The following NMB variants were observed in gnomAD, a reference collection of about 807,000 sequenced individuals.
NMB encodes the protein neuromedin B.
A neutral mutation model predicts 11.7 loss-of-function variants in NMB; 12 were observed. That is an observed-to-expected ratio of 1.03 (90% CI 0.66 to 1.66). The LOEUF is 1.66. Ranked by LOEUF, NMB falls within the 40% of genes most tolerant of loss-of-function variation. The probability of loss-of-function intolerance (pLI) is 0.00; values close to 1 mark genes in which losing one functional copy is unlikely to be tolerated. For missense variants in NMB, 174 were observed against 157.9 expected, an observed-to-expected ratio of 1.10 and a Z score of -0.55; for synonymous variants, 76 against 72.6, an observed-to-expected ratio of 1.05 and a Z score of -0.24.
At position 84,658,071 on chromosome 15, in the gene NMB, T is replaced by C; in HGVS notation, c.82A>G (p.Ser28Gly). ...ALLAAGVAPL[S>G]WDLPEPRSRA... is the part of the protein sequence containing the mutation. ...CTGCGGGGCTCCGGGAGATCCCAGCTGAGCGGGGCGACGCCGGCAGCGAGC... is the reference window on the plus strand; with the variant it reads ...CTGCGGGGCTCCGGGAGATCCCAGCCGAGCGGGGCGACGCCGGCAGCGAGC... The change falls in exon 1 of 3, where the codon AGC (serine) becomes GGC (glycine). Residue 28 changes from serine to glycine, a missense_variant. This residue lies in a region of NMB where 168 missense variants were observed against 138.4 expected (regional missense o/e 1.21). Transcript: ENST00000360476. 2 of 1,585,450 alleles carry C rather than the reference T, an allele frequency of 1.3e-6. No homozygotes were observed. The highest frequency in any genetic ancestry group is 1.7e-6 in the Non-Finnish European group (2 of 1,169,678).
rs1424914185 is a variant in NMB, at chr15:84,657,475, T to C, written c.158-127A>G. On this transcript the variant is annotated intron_variant, in intron 1 of 2. Transcript: ENST00000360476. ...AGACACTTAACCTTCCTCCTCTTGGTGCTTCCACCTCACCAAGGAGCCACA... is the reference window on the plus strand; with the variant it reads ...AGACACTTAACCTTCCTCCTCTTGGCGCTTCCACCTCACCAAGGAGCCACA... 4.5e-6 allele frequency: 4 copies of C among 884,738 alleles called. No individual in the cohort carries two copies. In the Admixed American group the frequency reaches 1.5e-4, roughly 33 times the overall value. The allele number at this position is 884,738 out of a possible 1,614,324, so 54.8% of individuals were successfully genotyped here.
Position 84,655,364 on chromosome 15 carries a change from A to T in NMB, c.*10T>A. ...TAAGCCACGCTGTTGTGTCTGCCCCATTATTGGTGTCATTTCTGCAGTATT... is the reference window on the plus strand; with the variant it reads ...TAAGCCACGCTGTTGTGTCTGCCCCTTTATTGGTGTCATTTCTGCAGTATT... On this transcript the variant is annotated 3_prime_UTR_variant, in exon 3 of 3. Transcript: ENST00000360476. 6.2e-6 allele frequency: 10 copies of T among 1,614,218 alleles called. No homozygotes were observed. Among genetic ancestry groups the T allele is most frequent in the Non-Finnish European group, 8.5e-6 (10 of 1,180,032 alleles).
Position 84,657,316 on chromosome 15 carries a change from A to G in NMB, c.190T>C (p.Ser64Pro). Residue 64 changes from serine to proline, a missense_variant, in exon 2 of 3, where the codon TCC (serine) becomes CCC (proline). By Grantham distance (74) the Ser-to-Pro change is moderately conservative (BLOSUM62 -1). Transcript: ENST00000360476. ...GCTGTCCCCAATGGGGATGGGCTGG[A>G]AGGCTCCAGACTCTTCTTGCCCATG... ...HFMGKKSLEP[S>P]SPSPLGTAPH... The G allele has an allele frequency of 6.4e-7, 1 of 1,573,678 alleles. No individual in the cohort carries two copies. The highest frequency in any genetic ancestry group is 1.9e-5 in the Admixed American group (1 of 53,348).
intron 2 of NMB, among the ~76,000 whole-genome samples, chr15:84,656,751 C>T (rs1290478661): frequency 2.0e-5 from 3 of 151,978 alleles, no homozygotes; most frequent in Non-Finnish European, 4.4e-5. Flanking sequence ...CTCTGGGCCT[C>T]AGGGTCCCAT....
In NMB at chr15:84,658,188, T is replaced by C. The variant is rs12904605; in HGVS notation, c.-36A>G. 345,103 of 1,419,810 alleles carry C rather than the reference T, an allele frequency of 0.24. 44,611 individuals are homozygous for C. The highest frequency in any genetic ancestry group is 0.36 in the Middle Eastern group (1,439 of 4,000). 88.0% of individuals were successfully genotyped at this position (1,419,810 alleles called of 1,614,324 possible). A position where few individuals can be genotyped will look rare whatever the true frequency, so the allele number is the denominator to read the frequency against. On this transcript the variant is annotated 5_prime_UTR_variant, in exon 1 of 3. Transcript: ENST00000360476. ...GGGCCGCGGCTTCGTTCGGGCGCGC[T>C]TCCCGGCCGCTGGGCTCCGGGGCTG...
chr15:84,656,683 C>T (rs1366188448), intron 2 of NMB, among the ~76,000 whole-genome samples: 1 of 151,882 alleles, frequency 6.6e-6, no homozygotes, highest in African/African-American at 2.4e-5. Context: ...ATGGGAAGAG[C>T]TCCAGTCCAG....
intron 2 of NMB, among the ~76,000 whole-genome samples, chr15:84,656,043 A>G (rs1896777069): frequency 1.3e-5 from 2 of 152,300 alleles, no homozygotes; most frequent in South Asian, 4.1e-4. Flanking sequence ...CAGACTGATA[A>G]GAGCTCGCAT....
chr15:84,655,392 T>C lies in NMB; in HGVS notation c.348A>G (p.Val116=). 1.9e-6 allele frequency: 3 copies of C among 1,614,146 alleles called. No homozygotes were observed. The highest frequency in any genetic ancestry group is 2.2e-5 in the East Asian group (1 of 44,888). ...ATTGGTGTCATTTCTGCAGTATTTGTACCAGCAGCCTCCTGTACTGAAGAG... is the reference window on the plus strand; with the variant it reads ...ATTGGTGTCATTTCTGCAGTATTTGCACCAGCAGCCTCCTGTACTGAAGAG... ...APQIQYRRLL[V]QILQK is the part of the protein sequence containing the mutation. The change falls in exon 3 of 3, where the codon GTA becomes GTG. Residue 116 remains valine (V), a synonymous_variant. Transcript: ENST00000360476.
intron 1 of NMB, among the ~76,000 whole-genome samples, chr15:84,657,735 T>C (rs1896803230): frequency 6.6e-6 from 1 of 152,098 alleles, no homozygotes; most frequent in Non-Finnish European, 1.5e-5. Context: ...TTCGGTTAAG[T>C]CTCGCCTAAG....
intron 2 of NMB, 144 bp downstream of exon 2, chr15:84,657,032 C>T (rs1896791049): frequency 1.4e-6 from 1 of 705,962 alleles, no homozygotes; most frequent in Admixed American, 4.1e-5. Flanking sequence ...AGCCTGGAAA[C>T]CTGGCTTTCT....
chr15:84,655,586 A>G (rs939957449), intron 2 of NMB, among the ~76,000 whole-genome samples, 177 bp from the exon 3 acceptor site: 3 of 152,198 alleles, frequency 2.0e-5, no homozygotes, highest in Non-Finnish European at 4.4e-5. Flanking sequence ...TAGTTTTCTC[A>G]GAACACAGCC....
At chr15:84,657,937 A>G in intron 1 of NMB, 59 bp downstream of exon 1, 1 of 1,526,530 alleles carries the variant, frequency 6.6e-7, no homozygotes, top group Non-Finnish European at 8.8e-7. Flanking sequence ...AGGGTTGAGA[A>G]GGAAATGGGG....
intron 1 of NMB, 57 bp from the exon 2 acceptor site, chr15:84,657,405 G>C (rs1381831213): frequency 7.2e-7 from 1 of 1,392,974 alleles, no homozygotes; most frequent in Non-Finnish European, 9.4e-7. Flanking sequence ...CTACCTCAGA[G>C]GAAAAGTTCC....
intron 2 of NMB, among the ~76,000 whole-genome samples, chr15:84,655,765 G>A (rs1329052753): frequency 6.6e-6 from 1 of 152,196 alleles, no homozygotes; most frequent in East Asian, 1.9e-4. Flanking sequence ...AGATTCTCTA[G>A]TTGGTCTGCA....
intron 2 of NMB, 85 bp from the exon 3 acceptor site, chr15:84,655,494 G>A (rs777415954): frequency 4.0e-5 from 62 of 1,555,320 alleles, no homozygotes; most frequent in Non-Finnish European, 5.2e-5. Flanking sequence ...AGTGCCAGAT[G>A]TCTGCAGAGG....
chr15:84,655,500 A>C, intron 2 of NMB, 91 bp from the exon 3 acceptor site: 1 of 1,539,598 alleles, frequency 6.5e-7, no homozygotes, highest in Middle Eastern at 2.3e-4. Flanking sequence ...AGATGTCTGC[A>C]GAGGTGGGCA....
intron 2 of NMB, among the ~76,000 whole-genome samples, chr15:84,656,310 T>G (rs1365080093): frequency 6.6e-6 from 1 of 151,944 alleles, no homozygotes; most frequent in Non-Finnish European, 1.5e-5. Flanking sequence ...GAGGGTGGTG[T>G]GCAGTAAGGA....
At chr15:84,656,307 G>A (rs949230885) in intron 2 of NMB, among the ~76,000 whole-genome samples, 3 of 152,036 alleles carry the variant, frequency 2.0e-5, no homozygotes, top group Non-Finnish European at 2.9e-5. Context: ...AGGGAGGGTG[G>A]TGTGCAGTAA....
intron 2 of NMB, among the ~76,000 whole-genome samples, chr15:84,656,629 G>C (rs1320054519): frequency 6.6e-6 from 1 of 151,522 alleles, no homozygotes; most frequent in Non-Finnish European, 1.5e-5. Context: ...CAAATGTACT[G>C]AAGTTGCTAA....
Sources: gnomAD v4.1 joint callset for allele counts (sites outside exome capture counted in the v4.1 genomes callset) on GRCh38, gnomAD v4.1.1 for gene constraint, gnomAD v4.1.1 regional missense constraint, MANE v1.5 for transcripts, NCBI Gene and HGNC (gene_info 2026-07-23, HGNC 2026-07-21) for gene names.